The following TC2N variants were observed in gnomAD, a reference collection of about 807,000 sequenced individuals.
TC2N encodes tandem C2 domains nuclear protein.
Under a neutral mutation model 61.9 loss-of-function variants are expected in TC2N, and 51 were observed. The ratio of observed to expected loss-of-function variants is 0.82; its 90% CI spans 0.66 to 1.04. TC2N has a LOEUF of 1.04. TC2N is among the 50% of genes least tolerant of loss of function. TC2N has a pLI of 0.00. For missense variants in TC2N, 556 were observed against 566.7 expected (o/e 0.98, Z 0.19); for synonymous variants, 204 against 192.6 (o/e 1.06, Z -0.49).
chr14:91,787,130 T>C (rs1415650664), intron 10 of TC2N, among the ~76,000 whole-genome samples: 1 of 152,188 alleles, frequency 6.6e-6, no homozygotes, highest in Non-Finnish European at 1.5e-5. Context: ...AGGTTTGTTT[T>C]TGATATATAT....
intron 1 of TC2N, among the ~76,000 whole-genome samples, chr14:91,866,112 A>G (rs1222644709): frequency 3.9e-5 from 6 of 152,128 alleles, no homozygotes; most frequent in Admixed American, 1.3e-4. Context: ...TCATCTGGCA[A>G]GAGGGGAGTA....
intron 8 of TC2N, among the ~76,000 whole-genome samples, chr14:91,792,759 C>A (rs1003280387): frequency 1.3e-5 from 2 of 152,118 alleles, no homozygotes; most frequent in Non-Finnish European, 2.9e-5. Flanking sequence ...CTTAATTTCA[C>A]AAATCATCCT....
intron 1 of TC2N, among the ~76,000 whole-genome samples, chr14:91,820,380 A>T (rs187779784): frequency 0.021 from 3,219 of 151,882 alleles, 114 homozygotes; most frequent in African/African-American, 0.074. Flanking sequence ...AAACTATAGG[A>T]TAATCTCAAT....
At chr14:91,852,755 G>A (rs1187374281) in intron 1 of TC2N, among the ~76,000 whole-genome samples, 1 of 152,134 alleles carries the variant, frequency 6.6e-6, no homozygotes, top group Non-Finnish European at 1.5e-5. Context: ...AAAGAGAAGG[G>A]TAGGAAGAGA....
chr14:91,863,910 A>C (rs1888643990), intron 1 of TC2N, among the ~76,000 whole-genome samples: 1 of 151,470 alleles, frequency 6.6e-6, no homozygotes, highest in Admixed American at 6.6e-5. Context: ...TGGGAGGATC[A>C]CAGGACAGGA....
In TC2N at chr14:91,785,284, T is replaced by C. The variant is rs1566758676; in HGVS notation, c.1240A>G (p.Asn414Asp). ...GTCTCTCCCCACTTGACTCTTCCAT[T>C]GGAGGCCTTCAGTAAGCGTGTCTTT... ...KKKTRLLKAS[N>D]GRVKWGETMI... The change falls in exon 11 of 12, where the codon AAT becomes GAT. Residue 414 changes from asparagine to aspartate, a missense_variant. Coordinates refer to ENST00000435962, the MANE Select transcript of TC2N (RefSeq NM_001128596.3). 14 of 1,613,700 alleles carry C rather than the reference T, an allele frequency of 8.7e-6. No individual in the cohort carries two copies. Among genetic ancestry groups the C allele is most frequent in the Non-Finnish European group, 1.2e-5 (14 of 1,179,730 alleles).
intron 1 of TC2N, among the ~76,000 whole-genome samples, chr14:91,846,258 C>G (rs903638685): frequency 6.6e-6 from 1 of 152,128 alleles, no homozygotes; most frequent in South Asian, 2.1e-4. Flanking sequence ...TATTGGGGTT[C>G]TATCTGCAAT....
At position 91,837,282 on chromosome 14, in the gene TC2N, C is replaced by G. The variant is rs1189652349; in HGVS notation, c.-56-23457G>C. ...CCAGGCTGGAGTGTAGCGGTGCGCCCGTGGCTCAGTGCAGCCTCGACCTTC... is the reference window on the plus strand; with the variant it reads ...CCAGGCTGGAGTGTAGCGGTGCGCCGGTGGCTCAGTGCAGCCTCGACCTTC... On this transcript the variant is annotated intron_variant, in intron 1 of 11. Coordinates refer to ENST00000435962, the MANE Select transcript of TC2N (RefSeq NM_001128596.3). The surrounding 1 kb of genome is among the most constrained non-coding windows in gnomAD (Gnocchi z 4.2). Among the ~76,000 whole-genome samples, 1 of 152,240 alleles carries G rather than the reference C, an allele frequency of 6.6e-6. No homozygotes were observed. The highest frequency in any genetic ancestry group is 2.4e-5 in the African/African-American group (1 of 41,458).
At chr14:91,820,996 G>C (rs1887223674) in intron 1 of TC2N, among the ~76,000 whole-genome samples, 1 of 151,984 alleles carries the variant, frequency 6.6e-6, no homozygotes, top group African/African-American at 2.4e-5. Context: ...TGGATTGGAA[G>C]ATGTAATATC....
Position 91,791,514 on chromosome 14 carries a change from T to A in TC2N, c.1047+853A>T, listed in dbSNP as rs148621595. On this transcript the variant is annotated intron_variant, in intron 9 of 11. Transcript: ENST00000435962. ...TTTAATTAGAAATTCCTAAACAATT[T>A]AAAAACAGTGTTCAGTTGGCTGAGA... Among the ~76,000 whole-genome samples the A allele has an allele frequency of 3.6e-3, 546 of 151,014 alleles. 2 individuals are homozygous for A. Among genetic ancestry groups the A allele is most frequent in the African/African-American group, 0.012 (486 of 40,428 alleles).
intron 10 of TC2N, among the ~76,000 whole-genome samples, chr14:91,786,220 T>C (rs1595218304): frequency 6.6e-6 from 1 of 152,310 alleles, no homozygotes; most frequent in East Asian, 1.9e-4. Flanking sequence ...CTGTTGTCCT[T>C]GTTTCCTAGA....
At chr14:91,844,954 G>A (rs781003650) in intron 1 of TC2N, among the ~76,000 whole-genome samples, 29 of 152,032 alleles carry the variant, frequency 1.9e-4, no homozygotes, top group Non-Finnish European at 3.7e-4. Context: ...GTATACATTG[G>A]CTGGGTGCGG....
intron 1 of TC2N, among the ~76,000 whole-genome samples, chr14:91,835,875 G>A (rs1231337581): frequency 7.2e-5 from 11 of 152,252 alleles, no homozygotes; most frequent in African/African-American, 2.4e-4. Context: ...TCGGAAGCCC[G>A]AGCACGGAGC....
At chr14:91,830,781 A>G (rs1330678143) in intron 1 of TC2N, among the ~76,000 whole-genome samples, 1 of 152,220 alleles carries the variant, frequency 6.6e-6, no homozygotes, top group Non-Finnish European at 1.5e-5. Flanking sequence ...GGTAATATAA[A>G]ACTTCTCCCC....
At chr14:91,836,200 G>T (rs1288128899) in intron 1 of TC2N, 13 of 152,588 alleles carry the variant, frequency 8.5e-5, no homozygotes, top group Admixed American at 8.5e-4. Flanking sequence ...CCGCAAGGCG[G>T]GGCCGCCCTC....
At chr14:91,824,947 C>T (rs931226159) in intron 1 of TC2N, among the ~76,000 whole-genome samples, 3 of 151,328 alleles carry the variant, frequency 2.0e-5, no homozygotes, top group Non-Finnish European at 4.4e-5. Flanking sequence ...GAGTAGTTAG[C>T]AGGTGAACTG....
In TC2N at chr14:91,788,491, T is replaced by A. The variant is rs572240101; in HGVS notation, c.1048-864A>T. Among the ~76,000 whole-genome samples, 3 of 152,302 alleles carry A rather than the reference T, an allele frequency of 2.0e-5. No individual in the cohort carries two copies. The East Asian group carries it at 5.8e-4, about 29-fold the overall frequency. ...TAATGTTCACAGATCATACTAGGGC[T>A]CAGCATAGACAGACACAAAGTCTTT... On this transcript the variant is annotated intron_variant, in intron 9 of 11. Transcript: ENST00000435962.
chr14:91,798,847 T>C, intron 6 of TC2N, 142 bp downstream of exon 6: 1 of 582,564 alleles, frequency 1.7e-6, no homozygotes, highest in Non-Finnish European at 2.9e-6. Context: ...ACTACCAACA[T>C]AGTTTTATTT....
At chr14:91,854,030 T>G (rs185313163) in intron 1 of TC2N, among the ~76,000 whole-genome samples, 1 of 152,266 alleles carries the variant, frequency 6.6e-6, no homozygotes, top group Admixed American at 6.5e-5. Context: ...AACTTAAATT[T>G]AAAAATAGGT....
Sources: allele counts gnomAD v4.1 joint callset (sites outside exome capture counted in the v4.1 genomes callset), GRCh38; gene constraint gnomAD v4.1.1; non-coding constraint Gnocchi (gnomAD v3.1); transcripts MANE v1.5; gene names NCBI Gene and HGNC (gene_info 2026-07-23, HGNC 2026-07-21).